Variants in IGF1R observed in about 807,000 individuals in gnomAD.
The protein encoded by IGF1R is insulin-like growth factor 1 receptor.
IGF1R carries 44 observed loss-of-function variants against 144.6 expected under a neutral mutation model. The observed-to-expected ratio is 0.30, with a 90% CI of 0.24 to 0.39. The LOEUF is 0.39. Ranked by LOEUF, IGF1R falls within the 10% of genes least tolerant of loss-of-function variation. The probability of loss-of-function intolerance (pLI) is 1.00; values close to 1 mark genes in which losing one functional copy is unlikely to be tolerated. For synonymous variants in IGF1R, 795 were observed against 722.8 expected (o/e 1.10, Z -1.60); for missense variants, 1,355 against 1,833.7 (o/e 0.74, Z 4.77).
chr15:98,923,735 G>A (rs1055877348), intron 11 of IGF1R, 141 bp from the exon 12 acceptor site: 7 of 725,880 alleles, frequency 9.6e-6, no homozygotes, highest in African/African-American at 5.2e-5. Flanking sequence ...CCGCGTGGAT[G>A]GGGGCGTTAT....
chr15:98,916,462 A>G (rs988870126), intron 9 of IGF1R: 5 of 605,786 alleles, frequency 8.3e-6, no homozygotes, highest in African/African-American at 7.4e-5. Context: ...GGGTTTCACC[A>G]TGTTGCCCAG....
In IGF1R at chr15:98,961,014, TG is replaced by T. The variant is rs752481642; in HGVS notation, c.*3575del. The T allele has an allele frequency of 1.1e-3, 253 of 233,626 alleles. 4 individuals carry two copies. Among genetic ancestry groups the T allele is most frequent in the Non-Finnish European group, 2.7e-4 (32 of 118,056 alleles). 14.5% of individuals were successfully genotyped at this position (233,626 alleles called of 1,614,324 possible). ...CTCTTACAGGCACTGATGATTTCGCTGGGAAGTGTGGCGGGCAGCTTTGCCT... is the reference window on the plus strand; with the variant it reads ...CTCTTACAGGCACTGATGATTTCGCTGGAAGTGTGGCGGGCAGCTTTGCCT... On this transcript the variant is annotated 3_prime_UTR_variant, in exon 21 of 21. Coordinates refer to ENST00000650285, the MANE Select transcript of IGF1R (RefSeq NM_000875.5).
intron 1 of IGF1R, among the ~76,000 whole-genome samples, chr15:98,676,504 TA>T (rs1287111708): frequency 6.6e-6 from 1 of 152,104 alleles, no homozygotes; most frequent in Non-Finnish European, 1.5e-5. Flanking sequence ...CATTTTGTCT[TA>T]AACACTGTAG....
intron 2 of IGF1R, among the ~76,000 whole-genome samples, chr15:98,813,124 C>A (rs1332462065): frequency 1.3e-5 from 2 of 152,148 alleles, no homozygotes; most frequent in African/African-American, 2.4e-5. Context: ...ATTAATCAAG[C>A]CTTTTTATTT....
At chr15:98,814,649 G>A (rs748151019) in intron 2 of IGF1R, among the ~76,000 whole-genome samples, 1 of 152,186 alleles carries the variant, frequency 6.6e-6, no homozygotes, top group Admixed American at 6.5e-5. Context: ...TGCCCAGCCT[G>A]TTTATATGGT....
intron 2 of IGF1R, among the ~76,000 whole-genome samples, chr15:98,797,642 C>A (rs968459379): frequency 1.3e-5 from 2 of 152,146 alleles, no homozygotes; most frequent in Admixed American, 1.3e-4. Context: ...CTCCCGGTTC[C>A]TCTTCTGGAT....
chr15:98,870,842 C>T (rs1012453545), intron 2 of IGF1R, among the ~76,000 whole-genome samples: 7 of 152,214 alleles, frequency 4.6e-5, no homozygotes, highest in African/African-American at 7.2e-5. Flanking sequence ...TACTCCCTTC[C>T]GTTGCAATGG....
chr15:98,723,517 T>C (rs553121933), intron 2 of IGF1R, among the ~76,000 whole-genome samples: 1 of 152,322 alleles, frequency 6.6e-6, no homozygotes, highest in Non-Finnish European at 1.5e-5. Flanking sequence ...AATGCAAAGA[T>C]AAAGTAGTGG....
At chr15:98,939,173 C>T (rs1567211682) in intron 17 of IGF1R, 28 bp from the exon 18 acceptor site, 1 of 1,606,312 alleles carries the variant, frequency 6.2e-7, no homozygotes, top group Non-Finnish European at 8.5e-7. Context: ...CCAAAATTCT[C>T]ATGTGAATTT....
intron 1 of IGF1R, among the ~76,000 whole-genome samples, chr15:98,687,962 G>A (rs1478705335): frequency 2.0e-5 from 3 of 152,168 alleles, no homozygotes; most frequent in African/African-American, 7.2e-5. Context: ...CTGTGGAAAT[G>A]GGATACTTGG....
rs1172512837 is a variant in IGF1R, at chr15:98,878,684, AAAAAAAAAAAAC to A, written c.641-12638_641-12627del. Reference sequence around the variant, plus strand: ...GACTCAAAAAAAAAAAAAAAAAAAAAAAAAAAAAAAACAACAACAAAAAAAAGGCCAGGCACG... The same window carrying A: ...GACTCAAAAAAAAAAAAAAAAAAAAAAACAACAAAAAAAAGGCCAGGCACG... On this transcript the variant is annotated intron_variant, in intron 2 of 20. Coordinates refer to ENST00000650285, the MANE Select transcript of IGF1R (RefSeq NM_000875.5). Among the ~76,000 whole-genome samples, 43 of 121,022 alleles carry A rather than the reference AAAAAAAAAAAAC, an allele frequency of 3.6e-4. 1 individual carries two copies. Among genetic ancestry groups the A allele is most frequent in the African/African-American group, 1.3e-3 (40 of 31,768 alleles). The allele number at this position is 121,022 out of a possible 152,430, so 79.4% of individuals were successfully genotyped here. A position where few individuals can be genotyped will look rare whatever the true frequency, so the allele number is the denominator to read the frequency against.
intron 13 of IGF1R, among the ~76,000 whole-genome samples, chr15:98,927,817 A>C (rs1000921425): frequency 1.3e-5 from 2 of 152,218 alleles, no homozygotes; most frequent in Non-Finnish European, 2.9e-5. Context: ...TCCATGGCAA[A>C]ATAATCATTG....
At chr15:98,674,354 A>AT in intron 1 of IGF1R, among the ~76,000 whole-genome samples, 1 of 152,308 alleles carries the variant, frequency 6.6e-6, no homozygotes, top group South Asian at 2.1e-4. Context: ...ATAAATGTAT[A>AT]TTAAAGAAAT....
intron 2 of IGF1R, among the ~76,000 whole-genome samples, chr15:98,888,123 C>T (rs1425649368): frequency 6.6e-6 from 1 of 152,172 alleles, no homozygotes; most frequent in Non-Finnish European, 1.5e-5. Flanking sequence ...TCCTCGGCAC[C>T]CAGAAGCCCA....
chr15:98,890,307 C>G (rs984352086), intron 2 of IGF1R: 1 of 152,216 alleles, frequency 6.6e-6, no homozygotes, highest in African/African-American at 2.4e-5. Context: ...CCTTGCTGAT[C>G]TAGCAGATGC....
At chr15:98,875,141 C>T (rs1195756935) in intron 2 of IGF1R, among the ~76,000 whole-genome samples, 3 of 151,842 alleles carry the variant, frequency 2.0e-5, no homozygotes, top group Admixed American at 6.6e-5. Flanking sequence ...GAGGATGCTC[C>T]GGGATTTCGG....
At chr15:98,701,580 C>G (rs1014756497) in intron 1 of IGF1R, among the ~76,000 whole-genome samples, 4 of 152,056 alleles carry the variant, frequency 2.6e-5, no homozygotes, top group Non-Finnish European at 5.9e-5. Flanking sequence ...GACCCGTGAT[C>G]CTACCGCCTC....
chr15:98,880,176 C>G (rs917292429), intron 2 of IGF1R, among the ~76,000 whole-genome samples: 1 of 152,162 alleles, frequency 6.6e-6, no homozygotes. Context: ...GAAGGGGAAG[C>G]ATCCTATAAC....
intron 2 of IGF1R, among the ~76,000 whole-genome samples, chr15:98,735,000 T>G (rs149559914): frequency 2.0e-5 from 3 of 152,272 alleles, no homozygotes; most frequent in African/African-American, 7.2e-5. Context: ...CCTTCTTATT[T>G]CTGCTTCCTG....
Sources: gnomAD v4.1 joint callset for allele counts (sites outside exome capture counted in the v4.1 genomes callset) on GRCh38, gnomAD v4.1.1 for gene constraint, MANE v1.5 for transcripts, NCBI Gene and HGNC (gene_info 2026-07-23, HGNC 2026-07-21) for gene names.